CACNB2: variants seen among roughly 807,000 people sequenced by gnomAD.
The protein encoded by CACNB2 is voltage-dependent L-type calcium channel subunit beta-2.
CACNB2 carries 42 observed loss-of-function variants against 73.3 expected under a neutral mutation model. That is an observed-to-expected ratio of 0.57 (90% CI 0.45 to 0.74). The LOEUF is 0.74. CACNB2 is among the 30% of genes least tolerant of loss of function. The pLI is 0.00. For synonymous variants in CACNB2, 348 were observed against 310.3 expected, an observed-to-expected ratio of 1.12 and a Z score of -1.28; for missense variants, 940 against 853.0, an observed-to-expected ratio of 1.10 and a Z score of -1.27.
chr10:18,436,867 C>T (rs1454069951), intron 3 of CACNB2, among the ~76,000 whole-genome samples: 1 of 152,138 alleles, frequency 6.6e-6, no homozygotes, highest in African/African-American at 2.4e-5. Flanking sequence ...TTTTTCCCCT[C>T]AGAATTATTC....
At chr10:18,468,474 A>T (rs1355222061) in intron 3 of CACNB2, among the ~76,000 whole-genome samples, 1 of 152,182 alleles carries the variant, frequency 6.6e-6, no homozygotes, top group Non-Finnish European at 1.5e-5. Flanking sequence ...AACAGTAAAA[A>T]CAAAACAAAC....
intron 2 of CACNB2, among the ~76,000 whole-genome samples, chr10:18,224,891 C>T (rs2035931529): frequency 6.6e-6 from 1 of 152,248 alleles, no homozygotes; most frequent in Non-Finnish European, 1.5e-5. Flanking sequence ...CTCCCTGCTA[C>T]ATCCTGACAG....
chr10:18,340,919 G>A (rs2041207243), intron 2 of CACNB2: 1 of 1,614,084 alleles, frequency 6.2e-7, no homozygotes, highest in Non-Finnish European at 8.5e-7. Flanking sequence ...ACTTGGAATT[G>A]GTCTAGCATG....
chr10:18,261,376 C>G (rs1256537832), intron 2 of CACNB2: 3 of 1,551,072 alleles, frequency 1.9e-6, no homozygotes, highest in Admixed American at 2.0e-5. Flanking sequence ...TCGTGTCTGT[C>G]TGGTGCATGT....
At chr10:18,286,058 C>T (rs1208718356) in intron 2 of CACNB2, among the ~76,000 whole-genome samples, 1 of 152,182 alleles carries the variant, frequency 6.6e-6, no homozygotes, top group Non-Finnish European at 1.5e-5. Context: ...TCTGTGAACA[C>T]ATTAAATAAC....
At chr10:18,536,047 G>GTACTT (rs1198961472) in intron 11 of CACNB2, 54 bp from the exon 12 acceptor site, 2 of 1,062,778 alleles carry the variant, frequency 1.9e-6, no homozygotes, top group African/African-American at 1.6e-5. Flanking sequence ...AATGTACCTT[G>GTACTT]TACTTTACCT....
chr10:18,272,899 G>A (rs374332393), intron 2 of CACNB2, among the ~76,000 whole-genome samples: 4 of 152,134 alleles, frequency 2.6e-5, no homozygotes, highest in Non-Finnish European at 4.4e-5. Flanking sequence ...GGTCACTAGC[G>A]TTAGGATTCC....
chr10:18,224,021 C>T (rs1307703552), intron 2 of CACNB2, among the ~76,000 whole-genome samples: 1 of 149,812 alleles, frequency 6.7e-6, no homozygotes, highest in Non-Finnish European at 1.5e-5. Flanking sequence ...GAAAAGTGGA[C>T]TCATTTTCAT....
At chr10:18,525,250 T>G (rs2052358634) in intron 9 of CACNB2, among the ~76,000 whole-genome samples, 4 of 152,064 alleles carry the variant, frequency 2.6e-5, no homozygotes, top group Admixed American at 2.6e-4. Context: ...CACCTTTGTT[T>G]TGGGTTGAAG....
chr10:18,347,668 G>A (rs59531042), intron 2 of CACNB2, among the ~76,000 whole-genome samples: 1 of 151,960 alleles, frequency 6.6e-6, no homozygotes, highest in Non-Finnish European at 1.5e-5. Context: ...AAGCATCTGA[G>A]AATAGCTGTC....
Position 18,188,814 on chromosome 10 carries a change from C to T in CACNB2, c.213+37839C>T, listed in dbSNP as rs112745815. On this transcript the variant is annotated intron_variant, in intron 2 of 13. Transcript: ENST00000324631. The stretch of plus-strand genomic sequence containing the variant: ...GTCTACTTAGTATAGAAAAAAAAGA[C>T]AATTATATAGTGAGATCACCACTGT... 6.2e-3 allele frequency among the ~76,000 whole-genome samples: 936 copies of T among 152,066 alleles called. 5 individuals carry two copies. Among genetic ancestry groups the T allele is most frequent in the South Asian group, 0.012 (59 of 4,810 alleles).
intron 2 of CACNB2, among the ~76,000 whole-genome samples, chr10:18,192,808 A>G (rs61278674): frequency 0.13 from 19,647 of 152,250 alleles, 1,732 homozygotes; most frequent in African/African-American, 0.25. Context: ...CATTGCAGCC[A>G]TACTTCATTC....
chr10:18,172,790 C>G (rs2033332776), intron 2 of CACNB2, among the ~76,000 whole-genome samples: 1 of 152,132 alleles, frequency 6.6e-6, no homozygotes, highest in Admixed American at 6.5e-5. Context: ...CCAGAATTCC[C>G]TAGTCATTAT....
intron 3 of CACNB2, among the ~76,000 whole-genome samples, chr10:18,439,043 A>T (rs2046290707): frequency 6.6e-6 from 1 of 152,240 alleles, no homozygotes; most frequent in African/African-American, 2.4e-5. Context: ...TGTAGTATTT[A>T]AGGCCAGTGA....
chr10:18,246,529 C>T (rs1564373694), intron 2 of CACNB2, among the ~76,000 whole-genome samples: 1 of 152,112 alleles, frequency 6.6e-6, no homozygotes, highest in Admixed American at 6.6e-5. Flanking sequence ...TGCATTATCT[C>T]AGAAGCCTAA....
At chr10:18,329,971 G>T (rs1355630236) in intron 2 of CACNB2, among the ~76,000 whole-genome samples, 1 of 152,024 alleles carries the variant, frequency 6.6e-6, no homozygotes, top group Non-Finnish European at 1.5e-5. Context: ...CTACCAAATA[G>T]CTGGGATTAC....
At chr10:18,514,719 C>T (rs2051103926) in intron 7 of CACNB2, among the ~76,000 whole-genome samples, 1 of 152,188 alleles carries the variant, frequency 6.6e-6, no homozygotes, top group Non-Finnish European at 1.5e-5. Context: ...CAGTACTTAT[C>T]CTTTTTGATG....
chr10:18,354,586 G>C (rs1310437520), intron 2 of CACNB2, among the ~76,000 whole-genome samples: 1 of 152,116 alleles, frequency 6.6e-6, no homozygotes, highest in Non-Finnish European at 1.5e-5. Context: ...TTATTTTGTG[G>C]TGTTTTTGTT....
intron 2 of CACNB2, among the ~76,000 whole-genome samples, chr10:18,165,325 G>C (rs2032773279): frequency 6.6e-6 from 1 of 152,210 alleles, no homozygotes; most frequent in Non-Finnish European, 1.5e-5. Flanking sequence ...GGCTGGCTGA[G>C]TCCAGATAGG....
Sources: gnomAD v4.1 joint callset for allele counts (sites outside exome capture counted in the v4.1 genomes callset) on GRCh38, gnomAD v4.1.1 for gene constraint, MANE v1.5 for transcripts, NCBI Gene and HGNC (gene_info 2026-07-23, HGNC 2026-07-21) for gene names.